The following ADAM18 variants were observed in gnomAD, a reference collection of about 807,000 sequenced individuals.
The protein encoded by ADAM18 is disintegrin and metalloproteinase domain-containing protein 18.
Under a neutral mutation model 94.4 loss-of-function variants are expected in ADAM18, and 117 were observed. The ratio of observed to expected loss-of-function variants is 1.24; its 90% CI spans 1.07 to 1.45. ADAM18 has a LOEUF of 1.45. Ranked by LOEUF, ADAM18 falls within the 40% of genes most tolerant of loss-of-function variation. The pLI is 0.00. For synonymous variants in ADAM18, 327 were observed against 291.6 expected (o/e 1.12, Z -1.24); for missense variants, 936 against 880.0 (o/e 1.06, Z -0.81).
chr8:39,668,255 A>G (rs938711977), intron 14 of ADAM18, 59 bp downstream of exon 14: 4 of 1,489,914 alleles, frequency 2.7e-6, no homozygotes, highest in Admixed American at 3.4e-5. Flanking sequence ...TGTAGAGTAC[A>G]TTATGTACCA....
At chr8:39,593,771 GC>G (rs1056459504) in intron 2 of ADAM18, among the ~76,000 whole-genome samples, 1 of 152,086 alleles carries the variant, frequency 6.6e-6, no homozygotes, top group Admixed American at 6.5e-5. Context: ...ATTATATAAT[GC>G]CTTTCTCATT....
chr8:39,704,142 C>G (rs961360712), intron 17 of ADAM18, among the ~76,000 whole-genome samples: 3 of 152,106 alleles, frequency 2.0e-5, no homozygotes, highest in African/African-American at 7.2e-5. Flanking sequence ...CAAAGATGAG[C>G]TAGTACAATT....
chr8:39,622,108 G>A (rs1210583012), intron 6 of ADAM18, among the ~76,000 whole-genome samples: 2 of 151,900 alleles, frequency 1.3e-5, no homozygotes, highest in African/African-American at 4.8e-5. Flanking sequence ...TTTTTAAAAA[G>A]TGTATATATA....
chr8:39,586,156 G>A (rs1208901991), intron 2 of ADAM18, among the ~76,000 whole-genome samples: 2 of 152,090 alleles, frequency 1.3e-5, no homozygotes, highest in Non-Finnish European at 2.9e-5. Flanking sequence ...ACCTACCATG[G>A]CTATGTTCTA....
chr8:39,691,657 A>G (rs1236526952), intron 16 of ADAM18, among the ~76,000 whole-genome samples: 1 of 152,090 alleles, frequency 6.6e-6, no homozygotes, highest in East Asian at 1.9e-4. Flanking sequence ...GTGATAAACA[A>G]ATAAAATCAT....
At chr8:39,717,805 G>A (rs201959) in intron 18 of ADAM18, among the ~76,000 whole-genome samples, 128,193 of 151,394 alleles carry the variant, frequency 0.85, 54,601 homozygotes, top group Admixed American at 0.91. Context: ...TGCAAACCAT[G>A]TATCTGATAA....
At chr8:39,722,658 G>A (rs1340120762) in intron 18 of ADAM18, among the ~76,000 whole-genome samples, 1 of 151,488 alleles carries the variant, frequency 6.6e-6, no homozygotes, top group Non-Finnish European at 1.5e-5. Context: ...AACTGCACTT[G>A]TACCTCCTTA....
rs918477759 is a variant in ADAM18, at chr8:39,708,030, G to A, written c.2017+1126G>A. On this transcript the variant is annotated intron_variant, in intron 18 of 19. Coordinates refer to ENST00000265707, the MANE Select transcript of ADAM18 (RefSeq NM_014237.3). ...TGACTAATGGACAGGTAGCATATAC[G>A]GCATGTATTCGTTGGACTTGGGAAT... Among the ~76,000 whole-genome samples the A allele has an allele frequency of 5.6e-4, 86 of 152,220 alleles. 1 individual carries two copies. Among genetic ancestry groups the A allele is most frequent in the South Asian group, 4.6e-3 (22 of 4,824 alleles).
rs1820917660 is a variant in ADAM18, at chr8:39,663,832, G to GTAA, written c.1269_1271dup (p.Cys423_Lys424insAsn). 4 of 1,612,604 alleles carry GTAA rather than the reference G, an allele frequency of 2.5e-6. No homozygotes were observed. Among genetic ancestry groups the GTAA allele is most frequent in the Middle Eastern group, 3.3e-4 (2 of 6,052 alleles). ...AAGAAGTGCTGTGATTATAACACAT[G>GTAA]TAAACTGAAGGGCTCAGTAAAATGT... On this transcript the variant is annotated inframe_insertion, in exon 13 of 20. Transcript: ENST00000265707.
In ADAM18 at chr8:39,729,968, A is replaced by G. The variant is rs1823027317; in HGVS notation, c.*28A>G. The G allele has an allele frequency of 1.3e-6, 2 of 1,594,008 alleles. No individual in the cohort carries two copies. Among genetic ancestry groups the G allele is most frequent in the African/African-American group, 2.7e-5 (2 of 74,448 alleles). ...TTGCACAGAACTTCCATAGCAAATA[A>G]CCTAAAGGAACGAATGTGCTTTATT... On this transcript the variant is annotated 3_prime_UTR_variant, in exon 20 of 20. Coordinates refer to ENST00000265707, the MANE Select transcript of ADAM18 (RefSeq NM_014237.3).
chr8:39,688,670 T>G (rs1227118153), intron 16 of ADAM18, among the ~76,000 whole-genome samples: 1 of 152,206 alleles, frequency 6.6e-6, no homozygotes, highest in African/African-American at 2.4e-5. Context: ...TCTTTGTTAT[T>G]GTGAAGAGTG....
Position 39,723,757 on chromosome 8 carries a change from A to T in ADAM18, c.2027A>T (p.Tyr676Phe), listed in dbSNP as rs1352035587. ...TATGATTCATTTCTAGGTGACTTTT[A>T]TACTGAAAAAGGCTACAATACACAC... is the stretch of plus-strand genomic sequence containing the variant. ...DGNFQKSGDF[Y>F]TEKGYNTHWN... The change falls in exon 19 of 20, where the codon TAT (tyrosine) becomes TTT (phenylalanine). Residue 676 changes from tyrosine (Y) to phenylalanine (F), a missense_variant. Tyr to Phe is a conservative substitution (Grantham distance 22, BLOSUM62 3). Coordinates refer to ENST00000265707, the MANE Select transcript of ADAM18 (RefSeq NM_014237.3). The T allele has an allele frequency of 2.6e-6, 4 of 1,512,952 alleles. No individual in the cohort carries two copies. Among genetic ancestry groups the T allele is most frequent in the Non-Finnish European group, 3.5e-6 (4 of 1,135,650 alleles). 93.7% of individuals were successfully genotyped at this position (1,512,952 alleles called of 1,614,324 possible).
chr8:39,679,771 A>C (rs79425537), intron 15 of ADAM18, among the ~76,000 whole-genome samples: 2,831 of 152,300 alleles, frequency 0.019, 83 homozygotes, highest in African/African-American at 0.065. Flanking sequence ...TGAACGGTCT[A>C]AGACAACTAG....
At chr8:39,684,693 C>T (rs937812195) in intron 16 of ADAM18, among the ~76,000 whole-genome samples, 2 of 152,164 alleles carry the variant, frequency 1.3e-5, no homozygotes, top group African/African-American at 4.8e-5. Context: ...GGGCATTGCC[C>T]TAGTATGATG....
At chr8:39,696,452 A>G (rs992745318) in intron 17 of ADAM18, among the ~76,000 whole-genome samples, 1 of 151,488 alleles carries the variant, frequency 6.6e-6, no homozygotes, top group Non-Finnish European at 1.5e-5. Context: ...ATCAAATCTA[A>G]TGTCATGAAG....
rs147040665 is a variant in ADAM18 at position 39,692,619 on chromosome 8, G to A, written c.1841G>A (p.Cys614Tyr). 427 of 1,604,738 alleles carry A rather than the reference G, an allele frequency of 2.7e-4. 1 individual carries two copies. The highest frequency in any genetic ancestry group is 5.9e-5 in the Non-Finnish European group (69 of 1,174,802). Residue 614 changes from cysteine (C) to tyrosine (Y), a missense_variant, in exon 17 of 20, where the codon TGC becomes TAC. Coordinates refer to ENST00000265707, the MANE Select transcript of ADAM18 (RefSeq NM_014237.3). ...GPEMYCVNKT[C>Y]RKVHLMGYNC... ...TTTTAGTACTGTGTAAATAAAACCT[G>A]CAGAAAAGTTCATTTAATGGGATAT...
intron 18 of ADAM18, among the ~76,000 whole-genome samples, chr8:39,722,215 GTGTATA>G (rs1822775551): frequency 1.5e-5 from 1 of 68,082 alleles, no homozygotes; most frequent in Non-Finnish European, 2.5e-5. Context: ...GTGTGTGTGT[GTGTATA>G]TATATATATA....
intron 17 of ADAM18, among the ~76,000 whole-genome samples, chr8:39,700,337 C>A (rs1334208900): frequency 6.6e-6 from 1 of 152,042 alleles, no homozygotes; most frequent in East Asian, 1.9e-4. Context: ...AAGCAGTTTT[C>A]TCATTCAGAA....
In ADAM18 at chr8:39,609,465, C is replaced by T. The variant is rs956673668; in HGVS notation, c.268-20C>T. The T allele has an allele frequency of 1.3e-6, 2 of 1,587,102 alleles. No homozygotes were observed. Among genetic ancestry groups the T allele is most frequent in the Non-Finnish European group, 8.6e-7 (1 of 1,158,476 alleles). On this transcript the variant is annotated intron_variant, in intron 4 of 19. Transcript: ENST00000265707. ...ATTCACAACGAATTTATATACTTGCCTTTCTATACTGTTTTTCAGATGCAT... is the reference window on the plus strand; with the variant it reads ...ATTCACAACGAATTTATATACTTGCTTTTCTATACTGTTTTTCAGATGCAT...
Sources: gnomAD v4.1 joint callset for allele counts (sites outside exome capture counted in the v4.1 genomes callset) on GRCh38, gnomAD v4.1.1 for gene constraint, MANE v1.5 for transcripts, NCBI Gene and HGNC (gene_info 2026-07-23, HGNC 2026-07-21) for gene names.